The following ZBTB46 variants were observed in gnomAD, a reference collection of about 807,000 sequenced individuals.
ZBTB46 encodes the protein zinc finger and BTB domain containing 46, also known as zinc finger and BTB domain-containing protein 46.
Under a neutral mutation model 44.1 loss-of-function variants are expected in ZBTB46, and 8 were observed. The observed-to-expected ratio is 0.18, with a 90% CI of 0.11 to 0.33. ZBTB46 has a LOEUF of 0.33. Among genes scored for constraint, ZBTB46 ranks in the 10% least tolerant of loss-of-function variants. The pLI, the probability that ZBTB46 is intolerant of heterozygous loss-of-function variation, is 1.00. For synonymous variants in ZBTB46, 409 were observed against 382.3 expected, an observed-to-expected ratio of 1.07 and a Z score of -0.81; for missense variants, 651 against 847.7, an observed-to-expected ratio of 0.77 and a Z score of 2.88.
chr20:63,809,293 C>T (rs1460208668), intron 1 of ZBTB46, among the ~76,000 whole-genome samples: 1 of 152,190 alleles, frequency 6.6e-6, no homozygotes, highest in Non-Finnish European at 1.5e-5. Context: ...TCCTCATGGC[C>T]GCGTCTATTC....
chr20:63,793,581 C>T (rs548982045), intron 1 of ZBTB46, among the ~76,000 whole-genome samples: 7 of 150,186 alleles, frequency 4.7e-5, no homozygotes, highest in African/African-American at 1.7e-4. Context: ...AATAAAACGT[C>T]TCTTTATTCA....
intron 3 of ZBTB46, among the ~76,000 whole-genome samples, chr20:63,765,091 ATGTGTATGTGTGGT>A (rs2092309017): frequency 7.6e-6 from 1 of 131,854 alleles, no homozygotes; most frequent in Admixed American, 7.4e-5. Flanking sequence ...GCATGTGTGC[ATGTGTATGTGTGGT>A]TGTGTGTGTG....
At chr20:63,805,520 A>C (rs1346499899) in intron 1 of ZBTB46, among the ~76,000 whole-genome samples, 2 of 152,144 alleles carry the variant, frequency 1.3e-5, no homozygotes, top group Admixed American at 6.5e-5. Flanking sequence ...CACAGGCAGA[A>C]ACTGGAGTGA....
intron 3 of ZBTB46, among the ~76,000 whole-genome samples, chr20:63,754,349 C>T (rs1321618895): frequency 1.3e-5 from 2 of 152,204 alleles, no homozygotes; most frequent in African/African-American, 4.8e-5. Context: ...ACCCTGACAG[C>T]GCCTGGTTCT....
intron 3 of ZBTB46, chr20:63,769,360 C>T (rs1366361760): frequency 5.1e-6 from 5 of 985,254 alleles, no homozygotes; most frequent in East Asian, 1.1e-4. Flanking sequence ...CTGCCATCAG[C>T]GACCCTCACA....
At chr20:63,826,712 G>A (rs149320764) in intron 1 of ZBTB46, among the ~76,000 whole-genome samples, 3 of 152,338 alleles carry the variant, frequency 2.0e-5, no homozygotes, top group East Asian at 1.9e-4. Context: ...GCGACAGAGC[G>A]AGACTCCCTC....
At position 63,790,570 on chromosome 20, in the gene ZBTB46, A is replaced by G. The variant is rs2092553199; in HGVS notation, c.188T>C (p.Val63Ala). ...CGTGGCCTGCTCCGACGTCTTCTGC[A>G]CCTGGCAGTAGAGCGTCTTGAAGTA... ...SRYFKTLYCQVQKTSEQATVT... is the reference protein window; with the variant it reads ...SRYFKTLYCQAQKTSEQATVT... The change falls in exon 2 of 5, where the codon GTG becomes GCG. Residue 63 changes from valine (V) to alanine (A), a missense_variant. Transcript: ENST00000245663. 3 of 1,613,234 alleles carry G rather than the reference A, an allele frequency of 1.9e-6. No homozygotes were observed. Among genetic ancestry groups the G allele is most frequent in the Admixed American group, 1.7e-5 (1 of 59,992 alleles).
At chr20:63,800,284 A>G (rs2092633617) in intron 1 of ZBTB46, among the ~76,000 whole-genome samples, 1 of 152,216 alleles carries the variant, frequency 6.6e-6, no homozygotes, top group South Asian at 2.1e-4. Flanking sequence ...AGGAAACTCT[A>G]GACAACAGAA....
upstream of ZBTB46, among the ~76,000 whole-genome samples, chr20:63,833,021 C>A (rs534255357): frequency 3.6e-4 from 55 of 152,228 alleles, no homozygotes; most frequent in African/African-American, 1.3e-3. Context: ...GCCCCAAGGG[C>A]CTCCCGCAGA....
chr20:63,764,923 TTTG>T (rs1385300087), intron 3 of ZBTB46, among the ~76,000 whole-genome samples: 1 of 151,610 alleles, frequency 6.6e-6, no homozygotes, highest in East Asian at 1.9e-4. Flanking sequence ...AAGATTTTTT[TTTG>T]TTTTTCTTTT....
chr20:63,781,651 G>A (rs547600692), intron 2 of ZBTB46, among the ~76,000 whole-genome samples: 88 of 152,130 alleles, frequency 5.8e-4, no homozygotes, highest in Non-Finnish European at 9.6e-4. Flanking sequence ...AATCAGCCAG[G>A]GGTGGTGCTG....
At chr20:63,808,383 C>T (rs1004758219) in intron 1 of ZBTB46, among the ~76,000 whole-genome samples, 1 of 152,194 alleles carries the variant, frequency 6.6e-6, no homozygotes, top group African/African-American at 2.4e-5. Context: ...CCACGGAGCC[C>T]GGGGCTTCAG....
At chr20:63,808,532 G>A (rs533055673) in intron 1 of ZBTB46, among the ~76,000 whole-genome samples, 2 of 152,246 alleles carry the variant, frequency 1.3e-5, no homozygotes, top group African/African-American at 4.8e-5. Flanking sequence ...CCTGGGCTCC[G>A]GGGCAGTGTG....
At chr20:63,769,143 C>T in intron 3 of ZBTB46, 2 of 977,624 alleles carry the variant, frequency 2.0e-6, no homozygotes, top group Non-Finnish European at 2.4e-6. Flanking sequence ...TCGGAGGTGC[C>T]CGGGCTCATC....
rs548919928 is a variant in ZBTB46 at position 63,804,524 on chromosome 20, G to A, written c.-33-13734C>T. On this transcript the variant is annotated intron_variant, in intron 1 of 4. Transcript: ENST00000245663. ...ACATGCCACCTCGCTGCCTGACACT[G>A]CCCTGCCCTCCTCTCAGCCCAGGGA... Among the ~76,000 whole-genome samples, 8 of 152,254 alleles carry A rather than the reference G, an allele frequency of 5.3e-5. No homozygotes were observed. The South Asian group carries it at 1.7e-3, about 32-fold the overall frequency.
intron 1 of ZBTB46, among the ~76,000 whole-genome samples, chr20:63,830,304 G>T (rs1287008909): frequency 1.3e-5 from 2 of 152,126 alleles, no homozygotes; most frequent in African/African-American, 2.4e-5. Flanking sequence ...GTCAGACACC[G>T]GCTCGCGCTC....
intron 3 of ZBTB46, among the ~76,000 whole-genome samples, chr20:63,772,143 C>T (rs977429693): frequency 1.3e-5 from 2 of 151,874 alleles, no homozygotes; most frequent in African/African-American, 2.4e-5. Context: ...TACAGGTGCC[C>T]GCCACCACAC....
chr20:63,788,818 A>T (rs1363155558), intron 2 of ZBTB46, among the ~76,000 whole-genome samples: 3 of 149,422 alleles, frequency 2.0e-5, no homozygotes, highest in Non-Finnish European at 3.0e-5. Flanking sequence ...CAGCCTGGGC[A>T]ACACGGTGAG....
chr20:63,809,518 G>A (rs913707585), intron 1 of ZBTB46, among the ~76,000 whole-genome samples: 4 of 152,182 alleles, frequency 2.6e-5, no homozygotes, highest in African/African-American at 7.2e-5. Flanking sequence ...AGGACTCCGG[G>A]AGACAGCAGG....
Sources: allele counts gnomAD v4.1 joint callset (sites outside exome capture counted in the v4.1 genomes callset), GRCh38; gene constraint gnomAD v4.1.1; transcripts MANE v1.5; gene names NCBI Gene and HGNC (gene_info 2026-07-23, HGNC 2026-07-21).